The following SORCS2 variants were observed in gnomAD, a reference collection of about 807,000 sequenced individuals.
SORCS2 encodes the protein sortilin related VPS10 domain containing receptor 2.
Under a neutral mutation model 141.6 loss-of-function variants are expected in SORCS2, and 100 were observed. The ratio of observed to expected loss-of-function variants is 0.71; its 90% CI spans 0.60 to 0.83. The LOEUF is 0.83. Ranked by LOEUF, SORCS2 falls within the 40% of genes least tolerant of loss-of-function variation. The pLI is 0.00. For synonymous variants in SORCS2, 789 were observed against 676.9 expected, an observed-to-expected ratio of 1.17 and a Z score of -2.57; for missense variants, 1,646 against 1,560.2, an observed-to-expected ratio of 1.05 and a Z score of -0.93.
At chr4:7,650,715 T>TCCCAG (rs1721381638) in intron 4 of SORCS2, among the ~76,000 whole-genome samples, 1 of 58,082 alleles carries the variant, frequency 1.7e-5, no homozygotes, top group Non-Finnish European at 3.5e-5. Flanking sequence ...CAGCCCTCTC[T>TCCCAG]CCCCGCCCCG....
Position 7,192,618 on chromosome 4 carries a change from C to T in SORCS2, c.-29C>T. 7.1e-6 allele frequency: 7 copies of T among 987,374 alleles called. No homozygotes were observed. The highest frequency in any genetic ancestry group is 8.4e-6 in the Non-Finnish European group (7 of 832,034). The allele number at this position is 987,374 out of a possible 1,614,324, so 61.2% of individuals were successfully genotyped here. A position where few individuals can be genotyped will look rare whatever the true frequency, so the allele number is the denominator to read the frequency against. On this transcript the variant is annotated 5_prime_UTR_variant, in exon 1 of 27. Coordinates refer to ENST00000507866, the MANE Select transcript of SORCS2 (RefSeq NM_020777.3). The surrounding 1 kb of genome is among the most constrained non-coding windows in gnomAD (Gnocchi z 4.0). ...GGTCCCCTCGTCCGCGCCGCCCCGC[C>T]GCCGGCTCCGCTGCCGCCCCTGGCG...
At chr4:7,452,972 G>A (rs1181984826) in intron 2 of SORCS2, among the ~76,000 whole-genome samples, 1 of 134,374 alleles carries the variant, frequency 7.4e-6, no homozygotes, top group Non-Finnish European at 1.6e-5. Flanking sequence ...GTCAGGTGCT[G>A]TGTGTTGGGG....
intron 11 of SORCS2, 69 bp downstream of exon 11, chr4:7,689,657 G>A (rs1029682532): frequency 3.5e-6 from 5 of 1,414,352 alleles, no homozygotes; most frequent in African/African-American, 1.4e-5. Context: ...AATCTTAAGG[G>A]TAAAAAGGGA....
intron 3 of SORCS2, among the ~76,000 whole-genome samples, chr4:7,577,658 G>A (rs941482431): frequency 6.7e-6 from 1 of 149,324 alleles, no homozygotes; most frequent in Non-Finnish European, 1.5e-5. Flanking sequence ...ATGGTTTGGA[G>A]AAGTCATATA....
chr4:7,515,332 C>A (rs1732905903), intron 2 of SORCS2, among the ~76,000 whole-genome samples: 1 of 152,198 alleles, frequency 6.6e-6, no homozygotes, highest in Non-Finnish European at 1.5e-5. Context: ...ATGGAGGTGC[C>A]CAGTGGGAGA....
chr4:7,267,880 A>C (rs1714855369), intron 1 of SORCS2, among the ~76,000 whole-genome samples: 1 of 152,242 alleles, frequency 6.6e-6, no homozygotes, highest in African/African-American at 2.4e-5. Flanking sequence ...CTGTCAGTCA[A>C]CCCGTCAGTG....
At chr4:7,433,238 A>G in intron 2 of SORCS2, 3 of 1,312,092 alleles carry the variant, frequency 2.3e-6, no homozygotes, top group East Asian at 2.9e-5. Context: ...TCAGTTTTTC[A>G]TTTGTGAAAT....
intron 1 of SORCS2, among the ~76,000 whole-genome samples, chr4:7,226,113 T>C (rs1405417844): frequency 6.6e-6 from 1 of 152,082 alleles, no homozygotes; most frequent in Non-Finnish European, 1.5e-5. Context: ...GGGCCTCTGA[T>C]CTCCAGGGAT....
At position 7,405,663 on chromosome 4, in the gene SORCS2, A is replaced by G. The variant is rs141987121; in HGVS notation, c.548+9308A>G. Among the ~76,000 whole-genome samples, 553 of 152,244 alleles carry G rather than the reference A, an allele frequency of 3.6e-3. 15 individuals carry two copies. The highest frequency in any genetic ancestry group is 0.033 in the Admixed American group (500 of 15,288). Reference sequence around the variant, plus strand: ...AGCTAGATCAATATTGGTATAAAGAAACACTGCTGATTTTTGTGGCACTGA... The same window carrying G: ...AGCTAGATCAATATTGGTATAAAGAGACACTGCTGATTTTTGTGGCACTGA... On this transcript the variant is annotated intron_variant, in intron 2 of 26. Coordinates refer to ENST00000507866, the MANE Select transcript of SORCS2 (RefSeq NM_020777.3).
rs147701687 is a variant in SORCS2 at position 7,368,617 on chromosome 4, C to G, written c.481-27671C>G. ...GTGTAACTCCTAGAGAGGCCTGCCCCCATGGAGGGGACCACCTCCCTGGTT... is the reference window on the plus strand; with the variant it reads ...GTGTAACTCCTAGAGAGGCCTGCCCGCATGGAGGGGACCACCTCCCTGGTT... On this transcript the variant is annotated intron_variant, in intron 1 of 26. Coordinates refer to ENST00000507866, the MANE Select transcript of SORCS2 (RefSeq NM_020777.3). Among the ~76,000 whole-genome samples the G allele has an allele frequency of 8.0e-3, 1,226 of 152,358 alleles. 15 individuals carry two copies. The highest frequency in any genetic ancestry group is 0.028 in the African/African-American group (1,167 of 41,588).
intron 1 of SORCS2, among the ~76,000 whole-genome samples, chr4:7,287,646 T>C (rs1364758730): frequency 1.3e-5 from 2 of 152,226 alleles, no homozygotes; most frequent in Non-Finnish European, 2.9e-5. Flanking sequence ...GTGGACTGTT[T>C]GTGTCTTTTA....
At chr4:7,395,100 T>A (rs112852482) in intron 1 of SORCS2, among the ~76,000 whole-genome samples, 1 of 152,220 alleles carries the variant, frequency 6.6e-6, no homozygotes, top group Non-Finnish European at 1.5e-5. Flanking sequence ...CTGGCCTTGA[T>A]TGACAAGGCC....
At position 7,310,098 on chromosome 4, in the gene SORCS2, C is replaced by G. The variant is rs145950895; in HGVS notation, c.481-86190C>G. ...ACTGGGGAGAAAGAGCTCCCAGGAA[C>G]AGGAGCAGCAGGGAAGACCCTGGGG... On this transcript the variant is annotated intron_variant, in intron 1 of 26. Transcript: ENST00000507866. Among the ~76,000 whole-genome samples the G allele has an allele frequency of 8.7e-4, 133 of 152,302 alleles. 1 individual carries two copies. Among genetic ancestry groups the G allele is most frequent in the African/African-American group, 3.1e-3 (130 of 41,560 alleles).
intron 3 of SORCS2, among the ~76,000 whole-genome samples, chr4:7,586,998 G>A (rs1716579273): frequency 6.6e-6 from 1 of 151,944 alleles, no homozygotes; most frequent in African/African-American, 2.4e-5. Flanking sequence ...GAGAGTGACA[G>A]AGAAGCAGAC....
intron 1 of SORCS2, among the ~76,000 whole-genome samples, chr4:7,256,321 A>G (rs190106436): frequency 3.9e-5 from 6 of 152,250 alleles, no homozygotes; most frequent in Admixed American, 2.6e-4. Flanking sequence ...TATTCTAGAG[A>G]ATCTGGAAGT....
At chr4:7,235,319 T>G (rs1712191581) in intron 1 of SORCS2, among the ~76,000 whole-genome samples, 1 of 152,220 alleles carries the variant, frequency 6.6e-6, no homozygotes. Context: ...AGGACCCTCC[T>G]TCTTAGGCAG....
intron 3 of SORCS2, among the ~76,000 whole-genome samples, chr4:7,544,317 G>A (rs59256904): frequency 0.01 from 1,572 of 152,344 alleles, 23 homozygotes; most frequent in African/African-American, 0.034. Context: ...ATGATGAATT[G>A]GTGAGCAGGG....
At chr4:7,573,870 G>A (rs888049369) in intron 3 of SORCS2, among the ~76,000 whole-genome samples, 1 of 152,190 alleles carries the variant, frequency 6.6e-6, no homozygotes, top group Non-Finnish European at 1.5e-5. Flanking sequence ...TCAAGTGGCT[G>A]TCCTGCGCCC....
intron 1 of SORCS2, among the ~76,000 whole-genome samples, chr4:7,290,705 C>T (rs938758023): frequency 4.6e-5 from 7 of 152,160 alleles, no homozygotes; most frequent in Admixed American, 6.5e-5. Flanking sequence ...TGCGTGTGTG[C>T]GTGCAGATGT....
Sources: gnomAD v4.1 joint callset for allele counts (sites outside exome capture counted in the v4.1 genomes callset) on GRCh38, gnomAD v4.1.1 for gene constraint, Gnocchi (gnomAD v3.1) non-coding constraint, MANE v1.5 for transcripts, NCBI Gene and HGNC (gene_info 2026-07-23, HGNC 2026-07-21) for gene names.